Variants in SMC5 observed in about 807,000 individuals in gnomAD.
SMC5 encodes structural maintenance of chromosomes 5, also known as structural maintenance of chromosomes protein 5.
A neutral mutation model predicts 148.3 loss-of-function variants in SMC5; 88 were observed. The observed-to-expected ratio is 0.59, with a 90% CI of 0.50 to 0.71. The LOEUF (loss-of-function observed/expected upper bound fraction) is 0.71. Among genes scored for constraint, SMC5 ranks in the 30% least tolerant of loss-of-function variants. The pLI, the probability that SMC5 is intolerant of heterozygous loss-of-function variation, is 0.00. For missense variants in SMC5, 1,142 were observed against 1,298.9 expected (o/e 0.88, Z 1.86); for synonymous variants, 421 against 432.8 (o/e 0.97, Z 0.34).
chr9:70,300,293 T>A, intron 10 of SMC5, 93 bp downstream of exon 10: 1 of 1,166,274 alleles, frequency 8.6e-7, no homozygotes, highest in Non-Finnish European at 1.2e-6. Context: ...ATTACCCTGG[T>A]TTTACATTAT....
chr9:70,273,194 T>TG (rs1211332295), intron 3 of SMC5, among the ~76,000 whole-genome samples: 1 of 151,798 alleles, frequency 6.6e-6, no homozygotes, highest in East Asian at 1.9e-4. Context: ...TCTGGCTTTT[T>TG]TTTTTTCTAA....
chr9:70,281,101 G>A (rs768121805), intron 6 of SMC5, among the ~76,000 whole-genome samples: 78 of 150,580 alleles, frequency 5.2e-4, no homozygotes, highest in East Asian at 7.8e-4. Context: ...TCAGTGGTAC[G>A]ATCTCGGCTC....
At chr9:70,267,493 A>G (rs1335137398) in intron 2 of SMC5, among the ~76,000 whole-genome samples, 2 of 152,200 alleles carry the variant, frequency 1.3e-5, no homozygotes, top group Non-Finnish European at 2.9e-5. Context: ...CGACTGTAGG[A>G]AGTCTTCAAT....
intron 10 of SMC5, among the ~76,000 whole-genome samples, chr9:70,301,750 T>C (rs796286018): frequency 1.3e-5 from 2 of 152,346 alleles, no homozygotes; most frequent in African/African-American, 4.8e-5. Context: ...TGGAATATTA[T>C]GCAGCCCTTA....
chr9:70,315,121 G>GA (rs1165357178), intron 12 of SMC5, among the ~76,000 whole-genome samples: 1 of 151,834 alleles, frequency 6.6e-6, no homozygotes, highest in Non-Finnish European at 1.5e-5. Flanking sequence ...TCATAATGCA[G>GA]AAACAATTTC....
chr9:70,322,340 G>A (rs916833173), intron 15 of SMC5, among the ~76,000 whole-genome samples: 13 of 152,014 alleles, frequency 8.6e-5, no homozygotes, highest in Admixed American at 3.9e-4. Flanking sequence ...CTTTCTCCTC[G>A]TAAAGTAATG....
chr9:70,320,808 A>C (rs1476244284), intron 15 of SMC5, among the ~76,000 whole-genome samples: 1 of 152,186 alleles, frequency 6.6e-6, no homozygotes, highest in Non-Finnish European at 1.5e-5. Context: ...CTGCTTCATC[A>C]AGGATATTCT....
intron 2 of SMC5, among the ~76,000 whole-genome samples, chr9:70,266,935 A>G (rs74391909): frequency 5.8e-4 from 89 of 152,244 alleles, no homozygotes; most frequent in African/African-American, 2.0e-3. Context: ...ATGTTTAACA[A>G]CTTGTATGTG....
intron 17 of SMC5, among the ~76,000 whole-genome samples, chr9:70,334,138 T>C (rs1309884484): frequency 6.6e-6 from 1 of 151,624 alleles, no homozygotes; most frequent in African/African-American, 2.4e-5. Context: ...TGTTTTTTTT[T>C]TTTTTTTGAC....
chr9:70,347,800 C>A, intron 21 of SMC5, 83 bp downstream of exon 21: 1 of 1,242,768 alleles, frequency 8.0e-7, no homozygotes, highest in East Asian at 2.4e-5. Context: ...AGATGACATG[C>A]TTCTAAGAGA....
In SMC5 at chr9:70,259,099, G is replaced by A. The variant is rs775446494; in HGVS notation, c.21G>A (p.Lys7=). The part of the protein sequence containing the change: MATPSK[K]TSTPSPQPSK... ...CCAGGATGGCGACTCCGAGCAAGAA[G>A]ACGTCAACTCCAAGCCCCCAGCCTT... The change falls in exon 1 of 25, where the codon AAG becomes AAA. Residue 7 remains lysine, a synonymous_variant. Transcript: ENST00000361138. 1.5e-5 allele frequency: 24 copies of A among 1,609,038 alleles called. No individual in the cohort carries two copies. In the South Asian group the frequency reaches 2.7e-4, roughly 18 times the overall value.
At chr9:70,331,737 A>G (rs751294812) in intron 17 of SMC5, among the ~76,000 whole-genome samples, 5 of 152,218 alleles carry the variant, frequency 3.3e-5, no homozygotes, top group Non-Finnish European at 7.3e-5. Flanking sequence ...TTTTCATTAT[A>G]AAAAGTAAAG....
chr9:70,298,013 T>A lies in SMC5; in HGVS notation c.1101T>A (p.Leu367=). 6.2e-7 allele frequency: 1 copy of A among 1,613,930 alleles called. No homozygotes were observed. Among genetic ancestry groups the A allele is most frequent in the South Asian group, 1.1e-5 (1 of 91,078 alleles). The stretch of plus-strand genomic sequence containing the variant: ...TAATAGTAAAGCAAAATGAAGAGCT[T>A]GACCGACAGAGGAGAATAGGTAATA... ...QALIVKQNEE[L]DRQRRIGNTR... Residue 367 remains leucine (L), a synonymous_variant, in exon 9 of 25, where the codon CTT becomes CTA. Transcript: ENST00000361138.
At chr9:70,305,467 T>A in intron 11 of SMC5, 107 bp downstream of exon 11, 1 of 671,564 alleles carries the variant, frequency 1.5e-6, no homozygotes, top group Non-Finnish European at 2.7e-6. Context: ...TACCACCAGT[T>A]CACTCTCATG....
At chr9:70,338,714 T>G (rs1284188028) in intron 17 of SMC5, among the ~76,000 whole-genome samples, 1 of 152,226 alleles carries the variant, frequency 6.6e-6, no homozygotes, top group East Asian at 1.9e-4. Flanking sequence ...TATCGTTTGT[T>G]CACCTTTTTC....
chr9:70,350,606 T>G (rs1469885097), intron 24 of SMC5, 135 bp downstream of exon 24: 1 of 540,304 alleles, frequency 1.9e-6, no homozygotes. Context: ...AACAGTAATA[T>G]TTACATTATT....
In SMC5 at chr9:70,322,986, G is replaced by A. The variant is rs149273775; in HGVS notation, c.2151-497G>A. On this transcript the variant is annotated intron_variant, in intron 15 of 24. Coordinates refer to ENST00000361138, the MANE Select transcript of SMC5 (RefSeq NM_015110.4). Reference sequence around the variant, plus strand: ...TCTCCCTCCCCTCCCCAACATACTCGTCCTTGTACCATTCTGGCCACTCTC... The same window carrying A: ...TCTCCCTCCCCTCCCCAACATACTCATCCTTGTACCATTCTGGCCACTCTC... Among the ~76,000 whole-genome samples, 604 of 151,636 alleles carry A rather than the reference G, an allele frequency of 4.0e-3. 3 individuals are homozygous for A. The highest frequency in any genetic ancestry group is 0.013 in the African/African-American group (552 of 41,266).
chr9:70,298,122 A>G lies in SMC5; in HGVS notation c.1210A>G (p.Thr404Ala), dbSNP rs1224737786. Residue 404 changes from threonine (T) to alanine (A), a missense_variant, in exon 9 of 25, where the codon ACA becomes GCA. Physicochemically the swap from Thr to Ala is moderately conservative, Grantham distance 58. This residue lies in a region of SMC5 where 743 missense variants were observed against 835.7 expected (regional missense o/e 0.89). Transcript: ENST00000361138. ...TCTTCAGCCCCAGATTGATGCCATTACAAATGATCTGAGACGGATTCAGGA... is the reference window on the plus strand; with the variant it reads ...TCTTCAGCCCCAGATTGATGCCATTGCAAATGATCTGAGACGGATTCAGGA... ...ENLQPQIDAI[T>A]NDLRRIQDEK... 6.2e-7 allele frequency: 1 copy of G among 1,614,122 alleles called. No homozygotes were observed. The highest frequency in any genetic ancestry group is 2.2e-5 in the East Asian group (1 of 44,870).
intron 8 of SMC5, among the ~76,000 whole-genome samples, chr9:70,296,966 A>G (rs1309515787): frequency 1.3e-5 from 2 of 152,238 alleles, no homozygotes; most frequent in African/African-American, 4.8e-5. Context: ...ATCTCACAAT[A>G]TTAGTCTGAA....
Sources: allele counts gnomAD v4.1 joint callset (sites outside exome capture counted in the v4.1 genomes callset), GRCh38; gene constraint gnomAD v4.1.1; regional missense constraint gnomAD v4.1.1; transcripts MANE v1.5; gene names NCBI Gene and HGNC (gene_info 2026-07-23, HGNC 2026-07-21).